GRIK1: variants seen among roughly 807,000 people sequenced by gnomAD.
The protein encoded by GRIK1 is glutamate receptor ionotropic, kainate 1.
GRIK1 carries 69 observed loss-of-function variants against 105.7 expected under a neutral mutation model. The ratio of observed to expected loss-of-function variants is 0.65; its 90% CI spans 0.54 to 0.80. The LOEUF (loss-of-function observed/expected upper bound fraction) is 0.80, where lower values mean the gene tolerates loss of function less well. GRIK1 is among the 30% of genes least tolerant of loss of function. The probability of loss-of-function intolerance (pLI) is 0.00; values close to 1 mark genes in which losing one functional copy is unlikely to be tolerated. For synonymous variants in GRIK1, 438 were observed against 431.3 expected (o/e 1.02, Z -0.19); for missense variants, 1,109 against 1,167.3 (o/e 0.95, Z 0.73).
chr21:29,766,522 G>A, intron 1 of GRIK1, among the ~76,000 whole-genome samples: 1 of 152,152 alleles, frequency 6.6e-6, no homozygotes, highest in Non-Finnish European at 1.5e-5. Context: ...CTGGTTGAGA[G>A]GCCTGCAAAG....
chr21:29,541,537 A>G (rs1287557241), intron 16 of GRIK1, among the ~76,000 whole-genome samples: 2 of 145,056 alleles, frequency 1.4e-5, no homozygotes, highest in African/African-American at 5.4e-5. Context: ...ATACCATAGT[A>G]TATATTTTAA....
intron 1 of GRIK1, among the ~76,000 whole-genome samples, chr21:29,889,828 A>G (rs2146215529): frequency 6.6e-6 from 1 of 152,210 alleles, no homozygotes; most frequent in East Asian, 1.9e-4. Flanking sequence ...TAACTTTTAA[A>G]TGTATTAAAT....
intron 1 of GRIK1, among the ~76,000 whole-genome samples, chr21:29,739,706 A>T (rs1182749923): frequency 6.6e-6 from 1 of 152,254 alleles, no homozygotes; most frequent in African/African-American, 2.4e-5. Flanking sequence ...AAATACTGCC[A>T]AATATATAAT....
chr21:29,747,065 G>A (rs1047493774), intron 1 of GRIK1, among the ~76,000 whole-genome samples: 2 of 152,058 alleles, frequency 1.3e-5, no homozygotes, highest in African/African-American at 4.8e-5. Flanking sequence ...TAGGAATAAT[G>A]AAAATAAAAT....
At chr21:29,753,175 C>A (rs1220395878) in intron 1 of GRIK1, among the ~76,000 whole-genome samples, 1 of 152,048 alleles carries the variant, frequency 6.6e-6, no homozygotes, top group African/African-American at 2.4e-5. Context: ...TGTGTAATAA[C>A]AATTATTAAT....
intron 1 of GRIK1, among the ~76,000 whole-genome samples, chr21:29,875,868 G>T (rs1297625812): frequency 6.6e-6 from 1 of 152,066 alleles, no homozygotes; most frequent in Admixed American, 6.6e-5. Flanking sequence ...GCTCATAATT[G>T]TCTTCTTTAT....
At position 29,555,290 on chromosome 21, in the gene GRIK1, C is replaced by T. The variant is rs766117519; in HGVS notation, c.2369G>A (p.Arg790Gln). The change falls in exon 16 of 18, where the codon CGG becomes CAG. Residue 790 changes from arginine to glutamine, a missense_variant. Transcript: ENST00000327783. Reference protein sequence around the residue: ...GVGTPIGSPYRDKITIAILQL... With the variant: ...GVGTPIGSPYQDKITIAILQL... The stretch of plus-strand genomic sequence containing the variant: ...AAGAATAGCAATAGTAATTTTATCC[C>T]GGTAAGGAGAACCTGGAAGTAAAAC... 4 of 1,612,924 alleles carry T rather than the reference C, an allele frequency of 2.5e-6. No homozygotes were observed. The highest frequency in any genetic ancestry group is 1.7e-5 in the Admixed American group (1 of 59,990).
intron 10 of GRIK1, among the ~76,000 whole-genome samples, chr21:29,590,309 C>T (rs747121054): frequency 6.6e-6 from 1 of 152,126 alleles, no homozygotes; most frequent in Non-Finnish European, 1.5e-5. Flanking sequence ...ATTGATTTGA[C>T]ATTATGGACT....
chr21:29,547,764 CTT>C (rs150753359), intron 16 of GRIK1, among the ~76,000 whole-genome samples: 3,670 of 152,324 alleles, frequency 0.024, 133 homozygotes, highest in African/African-American at 0.083. Context: ...AGGAAAACCT[CTT>C]TGCACGATTA....
chr21:29,812,943 A>G (rs2067050989), intron 1 of GRIK1, among the ~76,000 whole-genome samples: 1 of 152,152 alleles, frequency 6.6e-6, no homozygotes, highest in Non-Finnish European at 1.5e-5. Flanking sequence ...TTTTAATGCT[A>G]AGAGAAAAAA....
chr21:29,807,901 G>A (rs1401576446), intron 1 of GRIK1, among the ~76,000 whole-genome samples: 2 of 152,104 alleles, frequency 1.3e-5, no homozygotes, highest in Admixed American at 1.3e-4. Context: ...CCATCTGGAG[G>A]CTCAGTTTCC....
At chr21:29,570,135 GA>G (rs1454847359) in intron 14 of GRIK1, among the ~76,000 whole-genome samples, 1 of 152,144 alleles carries the variant, frequency 6.6e-6, no homozygotes, top group Non-Finnish European at 1.5e-5. Context: ...AGAGAACAGA[GA>G]AACCAATAGA....
intron 1 of GRIK1, 54 bp from the exon 2 acceptor site, chr21:29,694,117 ATTTTTTTT>A (rs11434895): frequency 0.051 from 22,478 of 436,478 alleles, 217 homozygotes; most frequent in Admixed American, 0.15. Flanking sequence ...TTCACATGTA[ATTTTTTTT>A]TTTTTTTTTT....
At chr21:29,793,595 C>T (rs560117964) in intron 1 of GRIK1, among the ~76,000 whole-genome samples, 25 of 151,274 alleles carry the variant, frequency 1.7e-4, no homozygotes, top group African/African-American at 6.1e-4. Flanking sequence ...CAGAGAAAGA[C>T]AGAAAGGAAA....
At position 29,560,511 on chromosome 21, in the gene GRIK1, C is replaced by CCTTTCTTT. The variant is rs1491489050; in HGVS notation, c.2356+1112_2356+1113insAAAGAAAG. The stretch of plus-strand genomic sequence containing the variant: ...TCTTTCTTTCTTTCCTTCCTTCCTT[C>CCTTTCTTT]CTTCCTTCCTTTCTTTCTTTCTTTC... On this transcript the variant is annotated intron_variant, in intron 15 of 17. Transcript: ENST00000327783. Among the ~76,000 whole-genome samples, 2 of 40,212 alleles carry CCTTTCTTT rather than the reference C, an allele frequency of 5.0e-5. 1 individual carries two copies. Among genetic ancestry groups the CCTTTCTTT allele is most frequent in the African/African-American group, 2.8e-4 (2 of 7,068 alleles). 26.4% of individuals were successfully genotyped at this position (40,212 alleles called of 152,430 possible). A position where few individuals can be genotyped will look rare whatever the true frequency, so the allele number is the denominator to read the frequency against.
At chr21:29,737,374 C>T (rs2064820781) in intron 1 of GRIK1, among the ~76,000 whole-genome samples, 1 of 152,158 alleles carries the variant, frequency 6.6e-6, no homozygotes, top group Non-Finnish European at 1.5e-5. Flanking sequence ...TGCATTTCTG[C>T]TTACAAAGCT....
chr21:29,634,149 C>T (rs2062346175), intron 7 of GRIK1, among the ~76,000 whole-genome samples: 1 of 152,166 alleles, frequency 6.6e-6, no homozygotes, highest in Non-Finnish European at 1.5e-5. Flanking sequence ...TCCATAGTGA[C>T]CTACTAAGTA....
chr21:29,672,323 AT>A (rs1377598018), intron 4 of GRIK1, among the ~76,000 whole-genome samples: 1 of 151,842 alleles, frequency 6.6e-6, no homozygotes, highest in Admixed American at 6.6e-5. Flanking sequence ...TTCCCAATGA[AT>A]TTACTTTCTT....
intron 1 of GRIK1, among the ~76,000 whole-genome samples, chr21:29,913,046 T>A (rs1278078401): frequency 1.3e-5 from 2 of 152,134 alleles, no homozygotes; most frequent in Non-Finnish European, 2.9e-5. Context: ...AAGATATTTT[T>A]ATGCCAGAAA....
Sources: gnomAD v4.1 joint callset for allele counts (sites outside exome capture counted in the v4.1 genomes callset) on GRCh38, gnomAD v4.1.1 for gene constraint, MANE v1.5 for transcripts, NCBI Gene and HGNC (gene_info 2026-07-23, HGNC 2026-07-21) for gene names.